MAN1A2: variants seen among roughly 807,000 people sequenced by gnomAD.
MAN1A2 encodes the protein mannosidase alpha class 1A member 2.
MAN1A2 carries 26 observed loss-of-function variants against 75.7 expected under a neutral mutation model. The observed-to-expected ratio is 0.34, with a 90% confidence interval of 0.25 to 0.48. MAN1A2 has a LOEUF of 0.48. MAN1A2 is among the 20% of genes least tolerant of loss of function. The probability of loss-of-function intolerance (pLI) is 0.99; values close to 1 mark genes in which losing one functional copy is unlikely to be tolerated. For missense variants in MAN1A2, 562 were observed against 775.5 expected, an observed-to-expected ratio of 0.72 and a Z score of 3.27; for synonymous variants, 247 against 264.6, an observed-to-expected ratio of 0.93 and a Z score of 0.65.
intron 1 of MAN1A2, among the ~76,000 whole-genome samples, chr1:117,373,490 T>G (rs2101715810): frequency 6.7e-6 from 1 of 149,030 alleles, no homozygotes; most frequent in Non-Finnish European, 1.5e-5. Context: ...ATTTGTTTTT[T>G]TTTTTTTTTT....
At chr1:117,506,878 T>C (rs1651391753) in intron 12 of MAN1A2, among the ~76,000 whole-genome samples, 1 of 151,432 alleles carries the variant, frequency 6.6e-6, no homozygotes, top group South Asian at 2.1e-4. Context: ...TAATTAGATA[T>C]GAGGAGATTC....
At chr1:117,373,337 T>G (rs1287553181) in intron 1 of MAN1A2, among the ~76,000 whole-genome samples, 2 of 152,156 alleles carry the variant, frequency 1.3e-5, no homozygotes, top group Non-Finnish European at 2.9e-5. Flanking sequence ...GCACTAATAT[T>G]AAAGTCTGCT....
intron 8 of MAN1A2, among the ~76,000 whole-genome samples, chr1:117,479,728 G>T (rs916902154): frequency 6.6e-6 from 1 of 151,814 alleles, no homozygotes; most frequent in African/African-American, 2.4e-5. Context: ...TTGATCAATT[G>T]ATCAGTTTGG....
intron 1 of MAN1A2, among the ~76,000 whole-genome samples, chr1:117,390,240 C>T (rs908687149): frequency 6.6e-6 from 1 of 151,928 alleles, no homozygotes; most frequent in Non-Finnish European, 1.5e-5. Context: ...TGATAGAATT[C>T]GTCAGTGAAA....
In MAN1A2 at chr1:117,480,589, C is replaced by T. The variant is rs1650465725; in HGVS notation, c.1169-12558C>T. Among the ~76,000 whole-genome samples the T allele has an allele frequency of 2.6e-5, 4 of 151,850 alleles. 1 individual carries two copies. In the South Asian group the frequency reaches 8.3e-4, roughly 31 times the overall value. On this transcript the variant is annotated intron_variant, in intron 8 of 12. Transcript: ENST00000356554. The stretch of plus-strand genomic sequence containing the variant: ...ATTATGTTATTTTTCCTCCTATTTA[C>T]TGGGCATTCTTAAAATATCCTACCC...
chr1:117,399,987 G>A (rs1647366172), intron 1 of MAN1A2, among the ~76,000 whole-genome samples: 1 of 152,118 alleles, frequency 6.6e-6, no homozygotes, highest in Admixed American at 6.5e-5. Context: ...TTTTCTGTTG[G>A]TAAAATGTGG....
At chr1:117,396,889 A>G (rs1291688788) in intron 1 of MAN1A2, among the ~76,000 whole-genome samples, 1 of 151,530 alleles carries the variant, frequency 6.6e-6, no homozygotes, top group African/African-American at 2.4e-5. Context: ...TAGTCAGGGT[A>G]GTGTATGTTT....
intron 5 of MAN1A2, among the ~76,000 whole-genome samples, chr1:117,429,729 C>T (rs1453278874): frequency 7.0e-5 from 8 of 114,022 alleles, no homozygotes; most frequent in East Asian, 2.7e-4. Context: ...CCACCTCCCT[C>T]CCGGACGGGG....
chr1:117,394,985 C>T (rs1017898277), intron 1 of MAN1A2, among the ~76,000 whole-genome samples: 5 of 152,044 alleles, frequency 3.3e-5, no homozygotes, highest in Admixed American at 6.5e-5. Flanking sequence ...AAAATTCCAG[C>T]GTAATTTTAT....
Position 117,404,518 on chromosome 1 carries a change from C to T in MAN1A2, c.559-1031C>T, listed in dbSNP as rs188124288. ...TATTGTGAGTGTTAAGCATCTGTCT[C>T]TCTTTCCTTTTGCTAGTTTCTCCAT... On this transcript the variant is annotated intron_variant, in intron 2 of 12. Coordinates refer to ENST00000356554, the MANE Select transcript of MAN1A2 (RefSeq NM_006699.5). Among the ~76,000 whole-genome samples, 217 of 152,272 alleles carry T rather than the reference C, an allele frequency of 1.4e-3. 1 individual carries two copies. The highest frequency in any genetic ancestry group is 4.9e-3 in the African/African-American group (205 of 41,558).
chr1:117,505,471 A>G lies in MAN1A2; in HGVS notation c.1793+2501A>G, dbSNP rs968101476. ...ATGCTAGGTAACCAGTTATTTATGTATATCTATCTATATATATATAGATAG... is the reference window on the plus strand; with the variant it reads ...ATGCTAGGTAACCAGTTATTTATGTGTATCTATCTATATATATATAGATAG... On this transcript the variant is annotated intron_variant, in intron 12 of 12. Transcript: ENST00000356554. 2.6e-5 allele frequency among the ~76,000 whole-genome samples: 4 copies of G among 151,144 alleles called. No individual in the cohort carries two copies. In the Admixed American group the frequency reaches 2.7e-4, roughly 10 times the overall value.
intron 12 of MAN1A2, among the ~76,000 whole-genome samples, chr1:117,516,118 TATTA>T (rs1651708244): frequency 6.6e-6 from 1 of 152,122 alleles, no homozygotes. Context: ...AAAATATTAA[TATTA>T]ATTGCAAAAT....
chr1:117,376,648 C>T (rs1163630065), intron 1 of MAN1A2, among the ~76,000 whole-genome samples: 1 of 152,220 alleles, frequency 6.6e-6, no homozygotes, highest in African/African-American at 2.4e-5. Flanking sequence ...CAGGCTCTGG[C>T]ATCTGAAAAG....
intron 8 of MAN1A2, among the ~76,000 whole-genome samples, chr1:117,478,514 A>C (rs1650389919): frequency 1.3e-5 from 2 of 151,950 alleles, no homozygotes; most frequent in Admixed American, 1.3e-4. Flanking sequence ...CAAGCACACA[A>C]AGATTTCTTC....
At chr1:117,491,000 A>AG (rs1650864981) in intron 8 of MAN1A2, among the ~76,000 whole-genome samples, 2 of 152,068 alleles carry the variant, frequency 1.3e-5, no homozygotes, top group Admixed American at 1.3e-4. Flanking sequence ...AGGCTTACAG[A>AG]GGTTGGTTTA....
At chr1:117,435,537 G>C (rs543936138) in intron 5 of MAN1A2, among the ~76,000 whole-genome samples, 22 of 152,084 alleles carry the variant, frequency 1.4e-4, no homozygotes, top group Non-Finnish European at 3.1e-4. Flanking sequence ...TAGTAAATTA[G>C]ACAATTTTGT....
In MAN1A2 at chr1:117,526,870, CTCTCTCTCTCTATATATATATA is replaced by C. The variant is rs1190175045; in HGVS notation, c.*3915_*3936del. The C allele has an allele frequency of 4.4e-4, 40 of 90,164 alleles. No homozygotes were observed. The highest frequency in any genetic ancestry group is 1.0e-3 in the Admixed American group (8 of 8,030). 5.6% of individuals were successfully genotyped at this position (90,164 alleles called of 1,614,324 possible). ...TCTCTCTCTCTCTCTCTCTCTCTCT[CTCTCTCTCTCTATATATATATA>C]TATATATATATATATATGAGAGATA... On this transcript the variant is annotated 3_prime_UTR_variant, in exon 13 of 13. Coordinates refer to ENST00000356554, the MANE Select transcript of MAN1A2 (RefSeq NM_006699.5).
chr1:117,429,847 G>T (rs1349776062), intron 5 of MAN1A2, among the ~76,000 whole-genome samples: 1 of 71,298 alleles, frequency 1.4e-5, no homozygotes, highest in Non-Finnish European at 3.2e-5. Context: ...GCGGCTGGCC[G>T]GGCGGGGGGC....
chr1:117,458,523 A>ATATATATATATTT (rs1553236643), intron 6 of MAN1A2, among the ~76,000 whole-genome samples: 1 of 105,610 alleles, frequency 9.5e-6, no homozygotes, highest in African/African-American at 3.5e-5. Flanking sequence ...ATATATATAT[A>ATATATATATATTT]TTTTTTTTTT....
Sources: allele counts gnomAD v4.1 joint callset (sites outside exome capture counted in the v4.1 genomes callset), GRCh38; gene constraint gnomAD v4.1.1; transcripts MANE v1.5; gene names NCBI Gene and HGNC (gene_info 2026-07-23, HGNC 2026-07-21).